The following CAPN1 variants were observed in gnomAD, a reference collection of about 807,000 sequenced individuals.
CAPN1 encodes calpain 1, also known as calpain-1 catalytic subunit.
CAPN1 carries 77 observed loss-of-function variants against 105.2 expected under a neutral mutation model. The ratio of observed to expected loss-of-function variants is 0.73; its 90% CI spans 0.61 to 0.88. The LOEUF (loss-of-function observed/expected upper bound fraction) is 0.88, where lower values mean the gene tolerates loss of function less well. CAPN1 is among the 40% of genes least tolerant of loss of function. The probability of loss-of-function intolerance (pLI) is 0.00; values close to 1 mark genes in which losing one functional copy is unlikely to be tolerated. For synonymous variants in CAPN1, 355 were observed against 388.8 expected, an observed-to-expected ratio of 0.91 and a Z score of 1.02; for missense variants, 833 against 976.6, an observed-to-expected ratio of 0.85 and a Z score of 1.96.
In CAPN1 at chr11:65,186,262, G is replaced by A. The variant is rs748491783; in HGVS notation, c.683G>A (p.Arg228His). Residue 228 changes from arginine (R) to histidine (H), a missense_variant, in exon 6 of 22, where the codon CGC becomes CAC. Coordinates refer to ENST00000279247, the MANE Select transcript of CAPN1 (RefSeq NM_005186.4). ...GGGGTTACCGAGTGGTACGAGTTGC[G>A]CAAGGCTCCCAGTGACCTCTACCAG... ...TGGVTEWYELRKAPSDLYQII... is the reference protein window; with the variant it reads ...TGGVTEWYELHKAPSDLYQII... The A allele has an allele frequency of 5.6e-6, 9 of 1,613,452 alleles. No individual in the cohort carries two copies. The highest frequency in any genetic ancestry group is 2.2e-5 in the East Asian group (1 of 44,864).
Position 65,199,794 on chromosome 11 carries a change from A to G in CAPN1, c.1166-4889A>G, listed in dbSNP as rs1215461683. Among the ~76,000 whole-genome samples, 4 of 152,260 alleles carry G rather than the reference A, an allele frequency of 2.6e-5. No individual in the cohort carries two copies. In the East Asian group the frequency reaches 5.8e-4, roughly 22 times the overall value. On this transcript the variant is annotated intron_variant, in intron 10 of 21. Coordinates refer to ENST00000279247, the MANE Select transcript of CAPN1 (RefSeq NM_005186.4). ...TTTCAAATCTGTTCATTTTTGCTCA[A>G]ATTTTCAAACTTTTCATCTATTTCT...
In CAPN1 at chr11:65,209,655, C is replaced by T. The variant is rs570029401; in HGVS notation, c.1795-194C>T. The T allele has an allele frequency of 9.2e-6, 6 of 653,028 alleles. No individual in the cohort carries two copies. The South Asian group carries it at 1.1e-4, about 12-fold the overall frequency. The allele number at this position is 653,028 out of a possible 1,614,324, so 40.5% of individuals were successfully genotyped here. ...GGTGCTATTTCTGACCCCTCCCCAG[C>T]CCACTCCACTGCAGCCCAGCTCAGA... On this transcript the variant is annotated intron_variant, in intron 17 of 21. Transcript: ENST00000279247. This position sits in a 1 kb window ranked among gnomAD's most constrained non-coding sequence, Gnocchi z 4.1.
chr11:65,209,779 C>A lies in CAPN1; in HGVS notation c.1795-70C>A. Reference sequence around the variant, plus strand: ...CTTGCCGGCTCGGCGGCCATCTCCCCTTCTGCACAGTTGCCCACTCTCCCA... The same window carrying A: ...CTTGCCGGCTCGGCGGCCATCTCCCATTCTGCACAGTTGCCCACTCTCCCA... On this transcript the variant is annotated intron_variant, in intron 17 of 21. Coordinates refer to ENST00000279247, the MANE Select transcript of CAPN1 (RefSeq NM_005186.4). The surrounding 1 kb of genome is among the most constrained non-coding windows in gnomAD (Gnocchi z 4.1). 1 of 1,507,022 alleles carries A rather than the reference C, an allele frequency of 6.6e-7. No homozygotes were observed. Among genetic ancestry groups the A allele is most frequent in the African/African-American group, 1.4e-5 (1 of 72,884 alleles). The allele number at this position is 1,507,022 out of a possible 1,614,324, so 93.4% of individuals were successfully genotyped here.
At position 65,208,460 on chromosome 11, in the gene CAPN1, T is replaced by G; in HGVS notation, c.1729+198T>G. The G allele has an allele frequency of 1.6e-6, 1 of 635,492 alleles. No homozygotes were observed. The highest frequency in any genetic ancestry group is 2.8e-6 in the Non-Finnish European group (1 of 353,996). The allele number at this position is 635,492 out of a possible 1,614,324, so 39.4% of individuals were successfully genotyped here. ...CCTGCCATCCTGATAATCCCTGTGC[T>G]CGGGTGCTGTGCCTTTGTGGGATTA... On this transcript the variant is annotated intron_variant, in intron 16 of 21. Coordinates refer to ENST00000279247, the MANE Select transcript of CAPN1 (RefSeq NM_005186.4). This position sits in a 1 kb window ranked among gnomAD's most constrained non-coding sequence, Gnocchi z 4.1.
chr11:65,187,090 T>C (rs1245554115), intron 6 of CAPN1, 125 bp from the exon 7 acceptor site: 1 of 690,016 alleles, frequency 1.4e-6, no homozygotes, highest in Non-Finnish European at 2.6e-6. Flanking sequence ...TCGGGGTCCC[T>C]GCTTGCTTCT....
In CAPN1 at chr11:65,188,575, T is replaced by G; in HGVS notation, c.1005-11T>G. On this transcript the variant is annotated splice_polypyrimidine_tract_variant and intron_variant, in intron 9 of 21. Transcript: ENST00000279247. This position sits in a 1 kb window ranked among gnomAD's most constrained non-coding sequence, Gnocchi z 5.5. ...ACGGGCTGTGCCTCACCTGTGTACC[T>G]CCCACCTCAGGATGTCATTCCGAGA... 6.2e-7 allele frequency: 1 copy of G among 1,613,826 alleles called. No homozygotes were observed. The highest frequency in any genetic ancestry group is 8.5e-7 in the Non-Finnish European group (1 of 1,179,838).
intron 11 of CAPN1, 130 bp from the exon 12 acceptor site, chr11:65,205,580 C>A: frequency 1.1e-6 from 1 of 880,084 alleles, no homozygotes; most frequent in Non-Finnish European, 1.9e-6. Context: ...TCTGGGTCCC[C>A]AGGGCCCTGC....
chr11:65,207,963 A>T, intron 14 of CAPN1, 92 bp from the exon 15 acceptor site: 1 of 826,782 alleles, frequency 1.2e-6, no homozygotes, highest in Non-Finnish European at 1.9e-6. Context: ...AGTGACTTGT[A>T]GCAGATATGT....
At chr11:65,195,100 G>GGTTTTTTTTTTTTTTTT in intron 10 of CAPN1, among the ~76,000 whole-genome samples, 1 of 90,906 alleles carries the variant, frequency 1.1e-5, no homozygotes, top group South Asian at 4.2e-4. Flanking sequence ...GTTTTTTGGG[G>GGTTTTTTTTTTTTTTTT]TTTTTTTTTT....
rs539922683 is a variant in CAPN1 at position 65,183,547 on chromosome 11, C to T, written c.411C>T (p.His137=). 1.2e-5 allele frequency: 20 copies of T among 1,613,876 alleles called. No individual in the cohort carries two copies. Among genetic ancestry groups the T allele is most frequent in the Admixed American group, 1.7e-5 (1 of 60,016 alleles). Residue 137 remains histidine (H), a synonymous_variant, in exon 4 of 22, where the codon CAC becomes CAT. Transcript: ENST00000279247. ...CCCTCCTGCACCGAGTGGTTCCGCA[C>T]GGCCAGAGCTTCCAGAATGGCTATG... is the stretch of plus-strand genomic sequence containing the variant. ...NDTLLHRVVP[H]GQSFQNGYAG...
rs769161725 is a variant in CAPN1 at position 65,204,728 on chromosome 11, C to A, written c.1211C>A (p.Thr404Lys). The change falls in exon 11 of 22, where the codon ACG (threonine) becomes AAG (lysine). Residue 404 changes from threonine (T) to lysine (K), a missense_variant. Transcript: ENST00000279247. ...CAGTTCAAGATCCGGCTGGATGAGA[C>A]GGATGACCCGGACGACTACGGGGAC... ...NPQFKIRLDE[T>K]DDPDDYGDRE... 33 of 1,613,040 alleles carry A rather than the reference C, an allele frequency of 2.0e-5. No individual in the cohort carries two copies. Among genetic ancestry groups the A allele is most frequent in the Non-Finnish European group, 2.5e-5 (30 of 1,179,812 alleles).
rs1229821379 is a variant in CAPN1, at chr11:65,186,186, G to A, written c.607G>A (p.Glu203Lys). 3.7e-6 allele frequency: 6 copies of A among 1,613,426 alleles called. No individual in the cohort carries two copies. Among genetic ancestry groups the A allele is most frequent in the South Asian group, 2.2e-5 (2 of 91,036 alleles). Residue 203 changes from glutamate (E) to lysine (K), a missense_variant, in exon 6 of 22, where the codon GAG becomes AAG. By Grantham distance (56) the Glu-to-Lys change is moderately conservative. Coordinates refer to ENST00000279247, the MANE Select transcript of CAPN1 (RefSeq NM_005186.4). The part of the protein sequence containing the change: ...KAYAKVNGSY[E>K]ALSGGSTSEG... ...TGCCCACAGGGTAAATGGCAGCTACGAGGCCCTGTCAGGGGGCAGCACCTC... is the reference window on the plus strand; with the variant it reads ...TGCCCACAGGGTAAATGGCAGCTACAAGGCCCTGTCAGGGGGCAGCACCTC...
chr11:65,200,931 G>GTTT (rs1590860506), intron 10 of CAPN1, among the ~76,000 whole-genome samples: 1 of 101,968 alleles, frequency 9.8e-6, no homozygotes, highest in Non-Finnish European at 1.9e-5. Flanking sequence ...ACCATGCCTG[G>GTTT]CTTTTTTTTT....
rs1370432389 is a variant in CAPN1, at chr11:65,186,165, C to T, written c.591-5C>T. The T allele has an allele frequency of 1.2e-6, 2 of 1,612,100 alleles. No individual in the cohort carries two copies. The highest frequency in any genetic ancestry group is 1.7e-6 in the Non-Finnish European group (2 of 1,179,002). On this transcript the variant is annotated splice_polypyrimidine_tract_variant and splice_region_variant and intron_variant, in intron 5 of 21. Coordinates refer to ENST00000279247, the MANE Select transcript of CAPN1 (RefSeq NM_005186.4). ...GCCAGAGTGCTGACCTGGAGCTGCC[C>T]ACAGGGTAAATGGCAGCTACGAGGC...
chr11:65,190,013 G>A (rs1303566232), intron 10 of CAPN1, among the ~76,000 whole-genome samples: 3 of 151,990 alleles, frequency 2.0e-5, no homozygotes, highest in Non-Finnish European at 4.4e-5. Context: ...CCCCACCTGC[G>A]ACAGTGGCAG....
At chr11:65,183,328 G>A in intron 3 of CAPN1, 131 bp downstream of exon 3, 9 of 1,144,648 alleles carry the variant, frequency 7.9e-6, no homozygotes, top group Non-Finnish European at 1.2e-5. Context: ...GCTGGGGCTG[G>A]TTTGCCCAGA....
rs753892198 is a variant in CAPN1 at position 65,187,952 on chromosome 11, T to C, written c.844-3T>C. 4.4e-5 allele frequency: 69 copies of C among 1,551,804 alleles called. No individual in the cohort carries two copies. Among genetic ancestry groups the C allele is most frequent in the Non-Finnish European group, 5.7e-5 (65 of 1,147,376 alleles). On this transcript the variant is annotated splice_region_variant and splice_polypyrimidine_tract_variant and intron_variant, in intron 7 of 21. Coordinates refer to ENST00000279247, the MANE Select transcript of CAPN1 (RefSeq NM_005186.4). Reference sequence around the variant, plus strand: ...TAGCACTGACAGGAGCTCTGGCAAATAGGTGAACTACCGAGGCCAGGTGGT... The same window carrying C: ...TAGCACTGACAGGAGCTCTGGCAAACAGGTGAACTACCGAGGCCAGGTGGT...
intron 10 of CAPN1, among the ~76,000 whole-genome samples, chr11:65,195,096 TGG>T (rs376198063): frequency 3.0e-5 from 4 of 133,936 alleles, no homozygotes; most frequent in Non-Finnish European, 6.2e-5. Flanking sequence ...TGAAGTTTTT[TGG>T]GGTTTTTTTT....
chr11:65,209,751 C>G lies in CAPN1; in HGVS notation c.1795-98C>G, dbSNP rs1482928543. The G allele has an allele frequency of 8.2e-7, 1 of 1,214,064 alleles. No individual in the cohort carries two copies. Among genetic ancestry groups the G allele is most frequent in the East Asian group, 2.5e-5 (1 of 39,606 alleles). 75.2% of individuals were successfully genotyped at this position (1,214,064 alleles called of 1,614,324 possible). On this transcript the variant is annotated intron_variant, in intron 17 of 21. Coordinates refer to ENST00000279247, the MANE Select transcript of CAPN1 (RefSeq NM_005186.4). The surrounding 1 kb of genome is among the most constrained non-coding windows in gnomAD (Gnocchi z 4.1). ...TGCTTCTCCTCACCCAGCCCCAAGT[C>G]GACTTGCCGGCTCGGCGGCCATCTC...
Sources: gnomAD v4.1 joint callset for allele counts (sites outside exome capture counted in the v4.1 genomes callset) on GRCh38, gnomAD v4.1.1 for gene constraint, Gnocchi (gnomAD v3.1) non-coding constraint, MANE v1.5 for transcripts, NCBI Gene and HGNC (gene_info 2026-07-23, HGNC 2026-07-21) for gene names.